The following RTN3 variants were observed in gnomAD, a reference collection of about 807,000 sequenced individuals.
The protein encoded by RTN3 is reticulon 3, also known as reticulon-3.
In RTN3, 49 loss-of-function variants were observed where a neutral mutation model predicts 77.8. That is an observed-to-expected ratio of 0.63 (90% CI 0.50 to 0.80). The LOEUF is 0.80. Ranked by LOEUF, RTN3 falls within the 30% of genes least tolerant of loss-of-function variation. The probability of loss-of-function intolerance (pLI) is 0.00; values close to 1 mark genes in which losing one functional copy is unlikely to be tolerated. For synonymous variants in RTN3, 464 were observed against 446.9 expected, an observed-to-expected ratio of 1.04 and a Z score of -0.48; for missense variants, 1,236 against 1,211.9, an observed-to-expected ratio of 1.02 and a Z score of -0.29.
chr11:63,733,755 G>C (rs781154068), intron 3 of RTN3, among the ~76,000 whole-genome samples: 1 of 151,594 alleles, frequency 6.6e-6, no homozygotes, highest in Non-Finnish European at 1.5e-5. Context: ...GGTGGCGGTG[G>C]TGGTGTGTGT....
At chr11:63,752,364 C>A in intron 4 of RTN3, 143 bp from the exon 5 acceptor site, 2 of 697,094 alleles carry the variant, frequency 2.9e-6, no homozygotes, top group East Asian at 2.5e-5. Context: ...AGTGTGTCTC[C>A]ACCCCACCTG....
At chr11:63,743,209 T>C (rs1019586860) in intron 3 of RTN3, among the ~76,000 whole-genome samples, 1 of 152,168 alleles carries the variant, frequency 6.6e-6, no homozygotes, top group Non-Finnish European at 1.5e-5. Context: ...CCTGTTTTTC[T>C]TGACTTAGTG....
At chr11:63,755,618 T>C (rs2014334631) in intron 7 of RTN3, among the ~76,000 whole-genome samples, 1 of 113,916 alleles carries the variant, frequency 8.8e-6, no homozygotes, top group African/African-American at 3.5e-5. Context: ...ACCATTGCAC[T>C]CCAGCCTGGA....
intron 1 of RTN3, among the ~76,000 whole-genome samples, chr11:63,694,990 A>G (rs943024490): frequency 4.6e-5 from 7 of 152,230 alleles, no homozygotes; most frequent in African/African-American, 2.4e-5. Context: ...CTTAGTAACT[A>G]CTACATTAAT....
At chr11:63,700,548 T>G (rs1179082116) in intron 1 of RTN3, among the ~76,000 whole-genome samples, 1 of 150,750 alleles carries the variant, frequency 6.6e-6, no homozygotes, top group African/African-American at 2.4e-5. Flanking sequence ...CCTCCCAAAG[T>G]GTGGGGATTA....
intron 2 of RTN3, among the ~76,000 whole-genome samples, chr11:63,711,968 A>G (rs2011171326): frequency 6.6e-6 from 1 of 152,202 alleles, no homozygotes; most frequent in South Asian, 2.1e-4. Flanking sequence ...GAGTGTTGAC[A>G]TTACAGGCAT....
chr11:63,715,826 T>C (rs1056444522), intron 2 of RTN3, among the ~76,000 whole-genome samples: 1 of 152,202 alleles, frequency 6.6e-6, no homozygotes, highest in African/African-American at 2.4e-5. Context: ...ACTAGTAAGT[T>C]CAGTAACAAT....
In RTN3 at chr11:63,720,948, A is replaced by G. The variant is rs763750686; in HGVS notation, c.2446A>G (p.Thr816Ala). ...SQKPITIRET[T>A]RVDAVSSLSK... is the part of the protein sequence containing the mutation. The stretch of plus-strand genomic sequence containing the variant: ...GAAGCCCATCACTATCAGAGAAACT[A>G]CTAGGGTAGATGCTGTTTCCAGCCT... The change falls in exon 3 of 9, where the codon ACT becomes GCT. Residue 816 changes from threonine to alanine, a missense_variant. Thr to Ala is a moderately conservative substitution (Grantham distance 58). Transcript: ENST00000377819. 5.6e-6 allele frequency: 9 copies of G among 1,613,986 alleles called. No individual in the cohort carries two copies. The African/African-American group carries it at 6.7e-5, about 12-fold the overall frequency.
rs2011798573 is a variant in RTN3, at chr11:63,721,510, G to T, written c.2530+478G>T. Among the ~76,000 whole-genome samples, 8 of 150,804 alleles carry T rather than the reference G, an allele frequency of 5.3e-5. No homozygotes were observed. In the South Asian group the frequency reaches 1.7e-3, roughly 32 times the overall value. On this transcript the variant is annotated intron_variant, in intron 3 of 8. Coordinates refer to ENST00000377819, the MANE Select transcript of RTN3 (RefSeq NM_001265589.2). ...GAATGGCGTAAACCCGGGAGGCAGAGCTTGCAGTGAGATGAGATCGCGCCA... is the reference window on the plus strand; with the variant it reads ...GAATGGCGTAAACCCGGGAGGCAGATCTTGCAGTGAGATGAGATCGCGCCA...
intron 3 of RTN3, among the ~76,000 whole-genome samples, chr11:63,724,070 A>G (rs562127018): frequency 6.6e-6 from 1 of 151,464 alleles, no homozygotes; most frequent in Non-Finnish European, 1.5e-5. Flanking sequence ...AAATAAGCAT[A>G]TAGTTTGGTG....
intron 3 of RTN3, chr11:63,747,056 C>G (rs2013838131): frequency 2.2e-6 from 1 of 455,428 alleles, no homozygotes; most frequent in Non-Finnish European, 4.4e-6. Flanking sequence ...TTTCACACCA[C>G]TGACATTTTT....
At chr11:63,716,647 T>C (rs927330873) in intron 2 of RTN3, among the ~76,000 whole-genome samples, 9 of 151,996 alleles carry the variant, frequency 5.9e-5, no homozygotes, top group Non-Finnish European at 1.0e-4. Flanking sequence ...CCTGGCAATG[T>C]AGTGAGGCAC....
intron 1 of RTN3, among the ~76,000 whole-genome samples, chr11:63,696,125 T>C (rs1173972492): frequency 2.6e-5 from 4 of 151,762 alleles, no homozygotes; most frequent in East Asian, 1.9e-4. Context: ...TTAAGGAATA[T>C]TGTGATGAGG....
In RTN3 at chr11:63,720,357, G is replaced by A; in HGVS notation, c.1855G>A (p.Val619Ile). Residue 619 changes from valine (V) to isoleucine (I), a missense_variant, in exon 3 of 9, where the codon GTT becomes ATT. Val to Ile is a conservative substitution (Grantham distance 29). Around this residue, in one of 3 missense-constraint regions of RTN3, gnomAD observed 1,056 missense variants for 990.4 expected, o/e 1.07. Transcript: ENST00000377819. Reference sequence around the variant, plus strand: ...ACTTCCTTCAACAGTGTCTCCAAATGTTTTTAATGAGACAGAATTCTCATT... The same window carrying A: ...ACTTCCTTCAACAGTGTCTCCAAATATTTTTAATGAGACAGAATTCTCATT... ...PKLPSTVSPN[V>I]FNETEFSLNV... The A allele has an allele frequency of 6.2e-7, 1 of 1,614,044 alleles. No homozygotes were observed. The highest frequency in any genetic ancestry group is 1.3e-5 in the African/African-American group (1 of 75,032).
intron 1 of RTN3, among the ~76,000 whole-genome samples, chr11:63,684,554 A>G (rs573341178): frequency 2.2e-4 from 34 of 151,978 alleles, no homozygotes; most frequent in African/African-American, 7.2e-4. Flanking sequence ...CGGCCTCCCA[A>G]AGTGCTGGGA....
Position 63,719,563 on chromosome 11 carries a change from A to G in RTN3, c.1061A>G (p.Lys354Arg). The G allele has an allele frequency of 6.2e-7, 1 of 1,614,164 alleles. No homozygotes were observed. The highest frequency in any genetic ancestry group is 8.5e-7 in the Non-Finnish European group (1 of 1,180,030). Residue 354 changes from lysine (K) to arginine (R), a missense_variant, in exon 3 of 9, where the codon AAA becomes AGA. By Grantham distance (26) the Lys-to-Arg change is conservative. Coordinates refer to ENST00000377819, the MANE Select transcript of RTN3 (RefSeq NM_001265589.2). ...CCCCAAGTGAAACAACAGACCGATA[A>G]ATCTTCTGACTGCATCACAAAAACT... ...LVPQVKQQTD[K>R]SSDCITKTTG... is the part of the protein sequence containing the mutation.
intron 8 of RTN3, among the ~76,000 whole-genome samples, chr11:63,757,807 C>T (rs781065764): frequency 5.9e-5 from 9 of 151,428 alleles, no homozygotes; most frequent in Non-Finnish European, 8.8e-5. Flanking sequence ...GCAGCCTCCA[C>T]CTCCCGGGTT....
chr11:63,696,734 C>G (rs1941963494), intron 1 of RTN3, among the ~76,000 whole-genome samples: 1 of 149,850 alleles, frequency 6.7e-6, no homozygotes, highest in African/African-American at 2.4e-5. Flanking sequence ...TTAGTAGAGA[C>G]AGGGTTTCAC....
At chr11:63,688,319 G>A (rs1448430983) in intron 1 of RTN3, among the ~76,000 whole-genome samples, 1 of 151,598 alleles carries the variant, frequency 6.6e-6, no homozygotes, top group Non-Finnish European at 1.5e-5. Flanking sequence ...CATCTCCCAG[G>A]TTCATGCCAT....
Sources: gnomAD v4.1 joint callset for allele counts (sites outside exome capture counted in the v4.1 genomes callset) on GRCh38, gnomAD v4.1.1 for gene constraint, gnomAD v4.1.1 regional missense constraint, MANE v1.5 for transcripts, NCBI Gene and HGNC (gene_info 2026-07-23, HGNC 2026-07-21) for gene names.